Variants in ZNF730 observed in about 807,000 individuals in gnomAD.
ZNF730 encodes zinc finger protein 730, also known as putative zinc finger protein 730.
A neutral mutation model predicts 12.6 loss-of-function variants in ZNF730; 12 were observed. That is an observed-to-expected ratio of 0.95 (90% confidence interval 0.61 to 1.54). ZNF730 has a LOEUF of 1.54. ZNF730 is among the 40% of genes most tolerant of loss of function. ZNF730 has a pLI of 0.00. For missense variants in ZNF730, 643 were observed against 583.5 expected (o/e 1.10, Z -1.05); for synonymous variants, 194 against 195.8 (o/e 0.99, Z 0.08).
intron 1 of ZNF730, among the ~76,000 whole-genome samples, chr19:23,090,874 G>A (rs1970147003): frequency 6.6e-6 from 1 of 152,064 alleles, no homozygotes; most frequent in Admixed American, 6.6e-5. Context: ...GCAGGTGCCT[G>A]TAATTTCAGC....
At chr19:23,110,346 G>T (rs1031805824) in intron 1 of ZNF730, among the ~76,000 whole-genome samples, 2 of 138,148 alleles carry the variant, frequency 1.4e-5, no homozygotes, top group Admixed American at 7.8e-5. Flanking sequence ...GTGTGATCTT[G>T]GCTCACAGCA....
intron 1 of ZNF730, among the ~76,000 whole-genome samples, chr19:23,093,274 C>G (rs1325443716): frequency 6.6e-6 from 1 of 152,226 alleles, no homozygotes; most frequent in Non-Finnish European, 1.5e-5. Flanking sequence ...CTGCGCCCAG[C>G]CTGTCGTTAA....
chr19:23,144,442 T>A (rs748226670), intron 3 of ZNF730, among the ~76,000 whole-genome samples: 1 of 152,170 alleles, frequency 6.6e-6, no homozygotes, highest in African/African-American at 2.4e-5. Flanking sequence ...GGCTCATGTC[T>A]GTAATCCCAG....
In ZNF730 at chr19:23,107,449, CAAAAAAAAAAAAAAAA is replaced by C. The variant is rs57120684; in HGVS notation, c.-93-26620_-93-26605del. Among the ~76,000 whole-genome samples the C allele has an allele frequency of 9.0e-3, 426 of 47,358 alleles. 5 individuals carry two copies. The highest frequency in any genetic ancestry group is 0.043 in the Middle Eastern group (2 of 46). 31.1% of individuals were successfully genotyped at this position (47,358 alleles called of 152,430 possible). Reference sequence around the variant, plus strand: ...TGTCTCTACTTTAAAAAAAAAATACCAAAAAAAAAAAAAAAAAAAAAAAAAACCACCACAGCTCTGT... The same window carrying C: ...TGTCTCTACTTTAAAAAAAAAATACCAAAAAAAAAACCACCACAGCTCTGT... On this transcript the variant is annotated intron_variant, in intron 1 of 2. Transcript: ENST00000593635.
intron 3 of ZNF730, among the ~76,000 whole-genome samples, chr19:23,137,451 T>C (rs1329894660): frequency 2.6e-5 from 4 of 152,208 alleles, no homozygotes; most frequent in African/African-American, 7.2e-5. Flanking sequence ...ATGTATTGAG[T>C]ATAATTATTA....
chr19:23,085,826 A>ATTTTTTTTTTT (rs1383951518), intron 1 of ZNF730, among the ~76,000 whole-genome samples: 1 of 72,566 alleles, frequency 1.4e-5, no homozygotes, highest in African/African-American at 6.0e-5. Flanking sequence ...ATTTCACCCA[A>ATTTTTTTTTTT]TTTTTTTTTC....
chr19:23,129,870 T>C (rs758864566), intron 1 of ZNF730, among the ~76,000 whole-genome samples: 8 of 151,686 alleles, frequency 5.3e-5, no homozygotes, highest in African/African-American at 1.7e-4. Flanking sequence ...GGCGGGCACC[T>C]GTAGTCCCAG....
At position 23,127,457 on chromosome 19, in the gene ZNF730, CCTT is replaced by C. The variant is rs1970684647; in HGVS notation, c.4-6620_4-6618del. ...TTCTTCCTTTGTCATTGACCCTTCT[CCTT>C]CTCCAAGCTTCTGTACTTTTTCCCT... On this transcript the variant is annotated intron_variant, in intron 1 of 3. Transcript: ENST00000597761. The C allele has an allele frequency of 7.3e-6, 8 of 1,102,586 alleles. No homozygotes were observed. In the South Asian group the frequency reaches 9.1e-5, roughly 12 times the overall value. 68.3% of individuals were successfully genotyped at this position (1,102,586 alleles called of 1,614,324 possible).
intron 1 of ZNF730, among the ~76,000 whole-genome samples, chr19:23,094,619 G>A (rs566088637): frequency 5.3e-5 from 8 of 151,930 alleles, no homozygotes; most frequent in South Asian, 2.1e-4. Flanking sequence ...GATTACAGGC[G>A]TGTGCCACCA....
chr19:23,109,664 C>T (rs917288677), intron 1 of ZNF730, among the ~76,000 whole-genome samples: 2 of 152,116 alleles, frequency 1.3e-5, no homozygotes, highest in African/African-American at 4.8e-5. Context: ...GAGCCCGCCT[C>T]AGGCTCCCCA....
chr19:23,086,051 G>A (rs1359581472), intron 1 of ZNF730, among the ~76,000 whole-genome samples: 1 of 151,712 alleles, frequency 6.6e-6, no homozygotes, highest in Non-Finnish European at 1.5e-5. Flanking sequence ...CACCGTCGTG[G>A]CCAGGCTGGT....
chr19:23,105,784 A>G (rs1307603382), intron 1 of ZNF730, among the ~76,000 whole-genome samples: 1 of 152,222 alleles, frequency 6.6e-6, no homozygotes, highest in African/African-American at 2.4e-5. Context: ...GCAAAAAGCT[A>G]GGTATAAACC....
rs370875863 is a variant in ZNF730, at chr19:23,101,429, CACAT to C, written c.-94+26045_-94+26048del. On this transcript the variant is annotated intron_variant, in intron 1 of 2. Coordinates refer to the ZNF730 transcript ENST00000593635. ...TCTGTCAACCATTGATATTGTGACT[CACAT>C]ACTTAGACCCAACGTACAGAAAGTG... Among the ~76,000 whole-genome samples the C allele has an allele frequency of 5.9e-4, 90 of 152,340 alleles. No individual in the cohort carries two copies. In the East Asian group the frequency reaches 0.015, roughly 25 times the overall value.
intron 3 of ZNF730, among the ~76,000 whole-genome samples, chr19:23,144,637 T>G (rs1425282698): frequency 7.0e-6 from 1 of 143,656 alleles, no homozygotes; most frequent in African/African-American, 2.6e-5. Context: ...GAGGCAGAGG[T>G]TTCAGTGAGC....
At chr19:23,099,632 G>A (rs749642022) in intron 1 of ZNF730, among the ~76,000 whole-genome samples, 18 of 152,176 alleles carry the variant, frequency 1.2e-4, no homozygotes, top group Non-Finnish European at 1.9e-4. Context: ...GGGTTTACAA[G>A]AGAAATTGAG....
At chr19:23,117,494 A>C (rs759336629) in intron 1 of ZNF730, among the ~76,000 whole-genome samples, 11 of 152,092 alleles carry the variant, frequency 7.2e-5, no homozygotes, top group Non-Finnish European at 5.9e-5. Flanking sequence ...GAGAATCCTG[A>C]CTCGGGCTGC....
intron 1 of ZNF730, chr19:23,127,747 G>T (rs1970688142): frequency 9.6e-7 from 1 of 1,039,942 alleles, no homozygotes; most frequent in Non-Finnish European, 1.5e-6. Flanking sequence ...TAAGTCCACA[G>T]TTCTCTTCCT....
intron 1 of ZNF730, among the ~76,000 whole-genome samples, chr19:23,108,347 C>A (rs11672720): frequency 0.04 from 6,105 of 151,964 alleles, 139 homozygotes; most frequent in East Asian, 0.12. Flanking sequence ...CCCCACGCTG[C>A]CCCAAGTGAT....
At chr19:23,086,824 G>A (rs546151477) in intron 1 of ZNF730, among the ~76,000 whole-genome samples, 1 of 152,136 alleles carries the variant, frequency 6.6e-6, no homozygotes, top group Non-Finnish European at 1.5e-5. Context: ...TTCTAATTCT[G>A]TGAGAATGTC....
Sources: gnomAD v4.1 joint callset for allele counts (sites outside exome capture counted in the v4.1 genomes callset) on GRCh38, gnomAD v4.1.1 for gene constraint, MANE v1.5 for transcripts, NCBI Gene and HGNC (gene_info 2026-07-23, HGNC 2026-07-21) for gene names.